GXYLT1: variants seen among roughly 807,000 people sequenced by gnomAD.
GXYLT1 encodes the protein glucoside xylosyltransferase 1, also known as glycosyltransferase 8 domain containing 3.
GXYLT1 carries 29 observed loss-of-function variants against 54.0 expected under a neutral mutation model. The ratio of observed to expected loss-of-function variants is 0.54; its 90% CI spans 0.40 to 0.73. The LOEUF is 0.73. Ranked by LOEUF, GXYLT1 falls within the 30% of genes least tolerant of loss-of-function variation. The pLI is 0.00. For missense variants in GXYLT1, 490 were observed against 553.4 expected (o/e 0.89, Z 1.15); for synonymous variants, 176 against 204.1 (o/e 0.86, Z 1.17).
intron 1 of GXYLT1, among the ~76,000 whole-genome samples, chr12:42,131,188 A>G (rs2136916533): frequency 1.3e-5 from 2 of 152,320 alleles, no homozygotes; most frequent in South Asian, 4.1e-4. Flanking sequence ...TCTTTTCAAA[A>G]TAATAGTCTA....
chr12:42,119,336 T>C (rs1472088828), intron 2 of GXYLT1, among the ~76,000 whole-genome samples, 165 bp from the exon 3 acceptor site: 1 of 151,578 alleles, frequency 6.6e-6, no homozygotes, highest in Non-Finnish European at 1.5e-5. Context: ...AAACCAAGAG[T>C]TCAATGCTGC....
At chr12:42,117,417 T>C (rs984644180) in intron 3 of GXYLT1, among the ~76,000 whole-genome samples, 3 of 152,062 alleles carry the variant, frequency 2.0e-5, no homozygotes, top group African/African-American at 7.2e-5. Flanking sequence ...AAGAAAACTT[T>C]TATACCTTTT....
At chr12:42,102,258 A>G (rs2065394610) in intron 5 of GXYLT1, among the ~76,000 whole-genome samples, 1 of 152,230 alleles carries the variant, frequency 6.6e-6, no homozygotes, top group Non-Finnish European at 1.5e-5. Context: ...TCAATTCCCA[A>G]AGATTAGTTA....
chr12:42,108,951 A>G (rs1475500889), intron 4 of GXYLT1, among the ~76,000 whole-genome samples: 2 of 152,210 alleles, frequency 1.3e-5, no homozygotes, highest in East Asian at 3.8e-4. Flanking sequence ...GGGTAAAATC[A>G]AATCAAAATG....
chr12:42,119,082 T>C lies in GXYLT1; in HGVS notation c.404A>G (p.Lys135Arg). Reference protein sequence around the residue: ...ERLEETMTMLKSAIIFSIKPL... With the variant: ...ERLEETMTMLRSAIIFSIKPL... ...TTTGATGCTGAAAATGATAGCTGACTTCAACATGGTCATAGTTTCTTCCAG... is the reference window on the plus strand; with the variant it reads ...TTTGATGCTGAAAATGATAGCTGACCTCAACATGGTCATAGTTTCTTCCAG... The change falls in exon 3 of 8, where the codon AAG becomes AGG. Residue 135 changes from lysine to arginine, a missense_variant. By Grantham distance (26) the Lys-to-Arg change is conservative. This residue lies in a region of GXYLT1 where 148 missense variants were observed against 210.7 expected (regional missense o/e 0.70). Coordinates refer to ENST00000398675, the MANE Select transcript of GXYLT1 (RefSeq NM_173601.2). 1.2e-6 allele frequency: 2 copies of C among 1,614,002 alleles called. No individual in the cohort carries two copies. The highest frequency in any genetic ancestry group is 1.3e-5 in the African/African-American group (1 of 75,072).
chr12:42,129,685 C>A, intron 2 of GXYLT1, 74 bp downstream of exon 2: 2 of 833,366 alleles, frequency 2.4e-6, no homozygotes, highest in South Asian at 1.6e-5. Flanking sequence ...TTCTTACATC[C>A]TATTACAAAG....
intron 5 of GXYLT1, among the ~76,000 whole-genome samples, chr12:42,101,644 T>C (rs966389670): frequency 6.6e-6 from 1 of 151,962 alleles, no homozygotes; most frequent in Non-Finnish European, 1.5e-5. Context: ...CAATCTTGGC[T>C]CACTGCAACC....
Position 42,113,721 on chromosome 12 carries a change from G to C in GXYLT1, c.487-4030C>G, listed in dbSNP as rs1450463755. Reference sequence around the variant, plus strand: ...CACTGTCAACATTGGACAGATCAACGAGACAGAAAGTTAACAAGGATACCC... The same window carrying C: ...CACTGTCAACATTGGACAGATCAACCAGACAGAAAGTTAACAAGGATACCC... On this transcript the variant is annotated intron_variant, in intron 3 of 7. Transcript: ENST00000398675. 4.0e-5 allele frequency among the ~76,000 whole-genome samples: 6 copies of C among 150,842 alleles called. 1 individual carries two copies. The highest frequency in any genetic ancestry group is 1.5e-4 in the African/African-American group (6 of 40,200).
At chr12:42,117,096 G>C (rs1354525706) in intron 3 of GXYLT1, among the ~76,000 whole-genome samples, 1 of 148,038 alleles carries the variant, frequency 6.8e-6, no homozygotes, top group African/African-American at 2.5e-5. Flanking sequence ...CATGGACACA[G>C]GAAGGGGAAC....
chr12:42,142,913 G>A (rs535283955), intron 1 of GXYLT1, among the ~76,000 whole-genome samples: 2 of 152,220 alleles, frequency 1.3e-5, no homozygotes, highest in Admixed American at 6.5e-5. Context: ...AAAATAAAGA[G>A]TAATGCTACT....
intron 3 of GXYLT1, among the ~76,000 whole-genome samples, chr12:42,116,889 CA>C (rs994226116): frequency 3.7e-4 from 57 of 152,186 alleles, no homozygotes; most frequent in African/African-American, 1.1e-3. Context: ...AAATGTCCCA[CA>C]ATGATAGACT....
intron 7 of GXYLT1, among the ~76,000 whole-genome samples, chr12:42,091,050 A>G (rs2065326041): frequency 6.6e-6 from 1 of 152,250 alleles, no homozygotes; most frequent in South Asian, 2.1e-4. Context: ...TTCCATGGCT[A>G]TGACTAAGCC....
At chr12:42,115,537 CAA>C (rs1489949385) in intron 3 of GXYLT1, among the ~76,000 whole-genome samples, 1 of 152,100 alleles carries the variant, frequency 6.6e-6, no homozygotes, top group Non-Finnish European at 1.5e-5. Context: ...ACAATTGCTT[CAA>C]AGAGAAGAAA....
At chr12:42,132,733 C>T (rs1432995336) in intron 1 of GXYLT1, among the ~76,000 whole-genome samples, 2 of 152,050 alleles carry the variant, frequency 1.3e-5, no homozygotes, top group South Asian at 2.1e-4. Flanking sequence ...CTCAAAAGAC[C>T]CTCTTGCAGT....
intron 5 of GXYLT1, among the ~76,000 whole-genome samples, chr12:42,098,287 C>T (rs747415651): frequency 1.3e-5 from 2 of 152,132 alleles, no homozygotes; most frequent in Non-Finnish European, 2.9e-5. Flanking sequence ...GTAACTGTGT[C>T]CTTATCTTAA....
At chr12:42,141,665 T>C (rs1368217017) in intron 1 of GXYLT1, among the ~76,000 whole-genome samples, 1 of 152,180 alleles carries the variant, frequency 6.6e-6, no homozygotes, top group African/African-American at 2.4e-5. Flanking sequence ...TTTCTATTTA[T>C]CAATTATACC....
rs745953284 is a variant in GXYLT1 at position 42,097,556 on chromosome 12, T to C, written c.1047A>G (p.Gly349=). 1.2e-6 allele frequency: 2 copies of C among 1,612,454 alleles called. No individual in the cohort carries two copies. The highest frequency in any genetic ancestry group is 1.7e-5 in the Admixed American group (1 of 59,828). ...WNYRPDHCIY[G]SNCQEAEEGG... ...CTTCTTCTGCTTCTTGGCAATTGCT[T>C]CCATATATACAATGATCTGGTCGAT... Residue 349 remains glycine (G), a synonymous_variant, in exon 7 of 8, where the codon GGA becomes GGG. Transcript: ENST00000398675.
At position 42,144,713 on chromosome 12, in the gene GXYLT1, G is replaced by T; in HGVS notation, c.-67C>A. 1.7e-6 allele frequency: 2 copies of T among 1,184,256 alleles called. No homozygotes were observed. The highest frequency in any genetic ancestry group is 1.1e-6 in the Non-Finnish European group (1 of 911,546). 73.4% of individuals were successfully genotyped at this position (1,184,256 alleles called of 1,614,324 possible). A position where few individuals can be genotyped will look rare whatever the true frequency, so the allele number is the denominator to read the frequency against. ...GCCCCGACGAACTGGAGCGGAGGGA[G>T]GGGCACCGCGCAGCCGCGGGCGCAA... On this transcript the variant is annotated 5_prime_UTR_variant, in exon 1 of 8. Coordinates refer to ENST00000398675, the MANE Select transcript of GXYLT1 (RefSeq NM_173601.2).
chr12:42,093,282 G>A (rs1297599616), intron 7 of GXYLT1, among the ~76,000 whole-genome samples: 2 of 152,024 alleles, frequency 1.3e-5, no homozygotes, highest in Admixed American at 6.6e-5. Context: ...ATTTTTAGTA[G>A]AGACAGGGTT....
Sources: allele counts gnomAD v4.1 joint callset (sites outside exome capture counted in the v4.1 genomes callset), GRCh38; gene constraint gnomAD v4.1.1; regional missense constraint gnomAD v4.1.1; transcripts MANE v1.5; gene names NCBI Gene and HGNC (gene_info 2026-07-23, HGNC 2026-07-21).